The following KCNN1 variants were observed in gnomAD, a reference collection of about 807,000 sequenced individuals.
KCNN1 encodes small conductance calcium-activated potassium channel protein 1.
Under a neutral mutation model 44.7 loss-of-function variants are expected in KCNN1, and 20 were observed. The ratio of observed to expected loss-of-function variants is 0.45; its 90% CI spans 0.32 to 0.65. The LOEUF is 0.65. KCNN1 is among the 30% of genes least tolerant of loss of function. KCNN1 has a pLI of 0.05. For missense variants in KCNN1, 632 were observed against 785.3 expected (o/e 0.80, Z 2.33); for synonymous variants, 324 against 341.7 (o/e 0.95, Z 0.57).
intron 5 of KCNN1, among the ~76,000 whole-genome samples, chr19:17,987,500 C>G (rs1185025603): frequency 1.3e-5 from 2 of 152,196 alleles, no homozygotes; most frequent in Non-Finnish European, 2.9e-5. Flanking sequence ...GTTGTCCATT[C>G]CTTTTCCTTG....
intron 7 of KCNN1, among the ~76,000 whole-genome samples, chr19:17,990,495 G>A (rs1368502645): frequency 7.0e-6 from 1 of 143,526 alleles, no homozygotes; most frequent in African/African-American, 2.6e-5. Flanking sequence ...AAAAAAAAAA[G>A]AAAGAAAAGA....
chr19:17,998,382 C>T lies in KCNN1; in HGVS notation c.1608C>T (p.Pro536=), dbSNP rs553282801. 4.0e-6 allele frequency: 6 copies of T among 1,492,506 alleles called. No individual in the cohort carries two copies. The highest frequency in any genetic ancestry group is 1.3e-5 in the South Asian group (1 of 76,346). The allele number at this position is 1,492,506 out of a possible 1,614,324, so 92.5% of individuals were successfully genotyped here. A position where few individuals can be genotyped will look rare whatever the true frequency, so the allele number is the denominator to read the frequency against. Residue 536 remains proline, a synonymous_variant, in exon 10 of 10, where the codon CCC becomes CCT. Coordinates refer to ENST00000684775, the MANE Select transcript of KCNN1 (RefSeq NM_001386974.1). This position sits in a 1 kb window ranked among gnomAD's most constrained non-coding sequence, Gnocchi z 5.4. Reference sequence around the variant, plus strand: ...GGAGCTCCCCCTGCCGGTGGACGCCCGTGGCCCCCTCGGACTGCGGGTGAC... The same window carrying T: ...GGAGCTCCCCCTGCCGGTGGACGCCTGTGGCCCCCTCGGACTGCGGGTGAC... ...AARSSPCRWT[P]VAPSDCG
chr19:17,956,294 T>G (rs2031543067), intron 2 of KCNN1, among the ~76,000 whole-genome samples: 1 of 152,024 alleles, frequency 6.6e-6, no homozygotes, highest in Non-Finnish European at 1.5e-5. Context: ...CATGGGGGTG[T>G]GGAGAAAACA....
chr19:17,968,419 G>C (rs1168536004), intron 1 of KCNN1, among the ~76,000 whole-genome samples: 3 of 151,940 alleles, frequency 2.0e-5, no homozygotes, highest in Non-Finnish European at 4.4e-5. Context: ...CCTCGTAGTG[G>C]GGGGGTGGGG....
intron 6 of KCNN1, among the ~76,000 whole-genome samples, chr19:17,989,149 G>A (rs1799832744): frequency 1.3e-5 from 2 of 152,114 alleles, no homozygotes; most frequent in South Asian, 2.1e-4. Flanking sequence ...AACACATGCC[G>A]ATTCACTGAG....
chr19:17,977,426 C>T (rs533392979), intron 3 of KCNN1, among the ~76,000 whole-genome samples: 11 of 151,758 alleles, frequency 7.2e-5, no homozygotes, highest in Non-Finnish European at 1.5e-4. Flanking sequence ...ACTGCAGCCT[C>T]GACATCCTGG....
chr19:17,970,878 T>C (rs1186445035), intron 1 of KCNN1, among the ~76,000 whole-genome samples: 3 of 150,746 alleles, frequency 2.0e-5, no homozygotes, highest in Non-Finnish European at 4.4e-5. Flanking sequence ...AACTCAGCAG[T>C]GTAGCTCATT....
intron 1 of KCNN1, among the ~76,000 whole-genome samples, chr19:17,969,876 T>A (rs1242047548): frequency 6.6e-6 from 1 of 152,218 alleles, no homozygotes. Flanking sequence ...GGTTCCTGTG[T>A]GCACCCTAGT....
At position 17,988,503 on chromosome 19, in the gene KCNN1, T is replaced by C; in HGVS notation, c.1148T>C (p.Met383Thr). Residue 383 changes from methionine to threonine, a missense_variant, in exon 6 of 10, where the codon ATG (methionine) becomes ACG (threonine). By Grantham distance (81) the Met-to-Thr change is moderately conservative. This residue lies in a region of KCNN1 where 237 missense variants were observed against 253.0 expected (regional missense o/e 0.94). Coordinates refer to ENST00000684775, the MANE Select transcript of KCNN1 (RefSeq NM_001386974.1). ...KAEKHVHNFM[M>T]DTQLTKRVKN... ...GAGAAGCACGTGCACAACTTCATGA[T>C]GGACACTCAGCTCACCAAGCGGGTG... 2 of 1,613,820 alleles carry C rather than the reference T, an allele frequency of 1.2e-6. No individual in the cohort carries two copies. The highest frequency in any genetic ancestry group is 1.7e-6 in the Non-Finnish European group (2 of 1,179,850).
chr19:17,989,113 C>T (rs2032701242), intron 6 of KCNN1, among the ~76,000 whole-genome samples: 1 of 152,060 alleles, frequency 6.6e-6, no homozygotes, highest in African/African-American at 2.4e-5. Flanking sequence ...CCTCAGCTTC[C>T]CCATATAGAA....
In KCNN1 at chr19:17,999,043, G is replaced by A. The variant is rs2033101143; in HGVS notation, c.*637G>A. On this transcript the variant is annotated 3_prime_UTR_variant, in exon 10 of 10. Coordinates refer to ENST00000684775, the MANE Select transcript of KCNN1 (RefSeq NM_001386974.1). ...CGGGGCCCATGGGGGAGGTGACCTG[G>A]GTGAGGAAGGTCATTTGGGTTTTTG... 6.6e-6 allele frequency: 1 copy of A among 152,302 alleles called. No homozygotes were observed. Among genetic ancestry groups the A allele is most frequent in the Non-Finnish European group, 1.5e-5 (1 of 68,078 alleles). 9.4% of individuals were successfully genotyped at this position (152,302 alleles called of 1,614,324 possible).
At chr19:17,967,066 G>T (rs1485421402), upstream of KCNN1, 63 of 968,788 alleles carry the variant, frequency 6.5e-5, no homozygotes, top group Non-Finnish European at 7.6e-5. Context: ...AATCGGCGGC[G>T]GCTCCCGCGT....
intron 9 of KCNN1, among the ~76,000 whole-genome samples, chr19:17,995,956 C>T (rs1465843174): frequency 1.3e-5 from 2 of 152,096 alleles, no homozygotes; most frequent in Non-Finnish European, 2.9e-5. Flanking sequence ...AAAAGCCTTA[C>T]TGATAAACAG....
chr19:17,980,423 G>T (rs2032365696), intron 3 of KCNN1, among the ~76,000 whole-genome samples: 1 of 151,722 alleles, frequency 6.6e-6, no homozygotes, highest in South Asian at 2.1e-4. Context: ...CGTTGTGAAT[G>T]TGTCTGTCCA....
Position 17,977,853 on chromosome 19 carries a change from C to T in KCNN1, c.498+2666C>T, listed in dbSNP as rs534609735. On this transcript the variant is annotated intron_variant, in intron 3 of 9. Coordinates refer to ENST00000684775, the MANE Select transcript of KCNN1 (RefSeq NM_001386974.1). ...TGAACATGGATGAACCTCAGAAATACGACGCTCAGCAGAAGAACCCAGACA... is the reference window on the plus strand; with the variant it reads ...TGAACATGGATGAACCTCAGAAATATGACGCTCAGCAGAAGAACCCAGACA... Among the ~76,000 whole-genome samples, 6 of 152,090 alleles carry T rather than the reference C, an allele frequency of 3.9e-5. No homozygotes were observed. The East Asian group carries it at 5.8e-4, about 15-fold the overall frequency.
intron 9 of KCNN1, among the ~76,000 whole-genome samples, chr19:17,994,637 G>A (rs1466762102): frequency 2.0e-5 from 3 of 151,930 alleles, no homozygotes; most frequent in East Asian, 1.9e-4. Flanking sequence ...TCCGCCTCCC[G>A]GGTTCAAGCA....
At chr19:17,980,986 G>C (rs1011814448) in intron 3 of KCNN1, among the ~76,000 whole-genome samples, 21 of 152,278 alleles carry the variant, frequency 1.4e-4, no homozygotes, top group African/African-American at 5.1e-4. Context: ...GGAGGCCGAG[G>C]CATGTGGATC....
intron 2 of KCNN1, among the ~76,000 whole-genome samples, chr19:17,956,094 C>T (rs1323773789): frequency 4.6e-5 from 7 of 152,220 alleles, no homozygotes; most frequent in Non-Finnish European, 7.4e-5. Flanking sequence ...TGCGTCACCA[C>T]GCACAGCTAA....
chr19:17,980,957 G>A (rs1007019940), intron 3 of KCNN1, among the ~76,000 whole-genome samples: 2 of 151,742 alleles, frequency 1.3e-5, no homozygotes, highest in African/African-American at 4.8e-5. Context: ...TGGCTCACAC[G>A]TGTAATCCCA....
Sources: allele counts gnomAD v4.1 joint callset (sites outside exome capture counted in the v4.1 genomes callset), GRCh38; gene constraint gnomAD v4.1.1; regional missense constraint gnomAD v4.1.1; non-coding constraint Gnocchi (gnomAD v3.1); transcripts MANE v1.5; gene names NCBI Gene and HGNC (gene_info 2026-07-23, HGNC 2026-07-21).